Variants in MACC1 observed in about 807,000 individuals in gnomAD.
The protein encoded by MACC1 is metastasis-associated in colon cancer protein 1.
In MACC1, 79 loss-of-function variants were observed where a neutral mutation model predicts 70.7. The observed-to-expected ratio is 1.12, with a 90% CI of 0.93 to 1.35. The LOEUF is 1.35. MACC1 is among the 40% of genes most tolerant of loss of function. MACC1 has a pLI of 0.00. For missense variants in MACC1, 1,106 were observed against 978.1 expected (o/e 1.13, Z -1.74); for synonymous variants, 361 against 347.2 (o/e 1.04, Z -0.44).
chr7:20,197,597 A>G (rs942644942), intron 1 of MACC1, among the ~76,000 whole-genome samples: 65 of 152,346 alleles, frequency 4.3e-4, no homozygotes, highest in African/African-American at 1.3e-3. Context: ...CCTACTCACA[A>G]TAAACTTGGA....
At chr7:20,165,375 AG>A (rs1342796470) in intron 2 of MACC1, among the ~76,000 whole-genome samples, 5 of 152,126 alleles carry the variant, frequency 3.3e-5, no homozygotes, top group African/African-American at 1.2e-4. Flanking sequence ...CCATTCTAAA[AG>A]CTCCTTCCCT....
intron 6 of MACC1, among the ~76,000 whole-genome samples, chr7:20,151,150 T>C (rs188735802): frequency 3.3e-4 from 50 of 152,182 alleles, no homozygotes; most frequent in Non-Finnish European, 4.3e-4. Context: ...TCTATATTGT[T>C]AAGCAAGGGG....
intron 2 of MACC1, among the ~76,000 whole-genome samples, chr7:20,167,896 A>T (rs1170436465): frequency 3.3e-5 from 5 of 152,156 alleles, no homozygotes. Flanking sequence ...AAGAGGTCCC[A>T]TATTTTCATT....
chr7:20,183,417 T>C (rs1782540256), intron 1 of MACC1, among the ~76,000 whole-genome samples: 1 of 152,184 alleles, frequency 6.6e-6, no homozygotes, highest in Admixed American at 6.5e-5. Context: ...GAGAATTCGG[T>C]TCAAATGACA....
At chr7:20,172,871 G>T (rs928040770) in intron 1 of MACC1, among the ~76,000 whole-genome samples, 4 of 152,212 alleles carry the variant, frequency 2.6e-5, no homozygotes, top group Non-Finnish European at 5.9e-5. Flanking sequence ...GGGGAAGCTA[G>T]TGGGTTCCTT....
At chr7:20,161,632 A>T (rs977546450) in intron 4 of MACC1, 116 bp downstream of exon 4, 1 of 629,560 alleles carries the variant, frequency 1.6e-6, no homozygotes, top group East Asian at 2.8e-5. Context: ...GATAAAAACA[A>T]GATTTTATAA....
chr7:20,216,835 C>T (rs114564559), intron 1 of MACC1, among the ~76,000 whole-genome samples: 1,897 of 152,240 alleles, frequency 0.012, 43 homozygotes, highest in African/African-American at 0.041. Flanking sequence ...TGAGACTTTG[C>T]GAGGTGAAAC....
At chr7:20,188,223 G>A (rs1782619095) in intron 1 of MACC1, among the ~76,000 whole-genome samples, 1 of 152,152 alleles carries the variant, frequency 6.6e-6, no homozygotes, top group Non-Finnish European at 1.5e-5. Context: ...TGAGATTTGG[G>A]TGGGGACACA....
chr7:20,146,994 G>A (rs1231772465), intron 6 of MACC1, among the ~76,000 whole-genome samples: 1 of 152,166 alleles, frequency 6.6e-6, no homozygotes, highest in African/African-American at 2.4e-5. Context: ...ATAAAAAAGG[G>A]CAGCAGCGTG....
rs1781723074 is a variant in MACC1, at chr7:20,136,790, T to C, written c.*4156A>G. ...GACTTACTTCTCCTCCTTGCGATTA[T>C]TATTGCGATTAAGGATTATTATTAA... On this transcript the variant is annotated 3_prime_UTR_variant, in exon 7 of 7. Transcript: ENST00000400331. The C allele has an allele frequency of 6.6e-6, 1 of 151,652 alleles. No individual in the cohort carries two copies. The highest frequency in any genetic ancestry group is 2.1e-4 in the South Asian group (1 of 4,818). The allele number at this position is 151,652 out of a possible 1,614,324, so 9.4% of individuals were successfully genotyped here.
intron 1 of MACC1, among the ~76,000 whole-genome samples, chr7:20,205,475 C>CA (rs564241005): frequency 1.1e-3 from 171 of 152,134 alleles, no homozygotes; most frequent in African/African-American, 3.9e-3. Flanking sequence ...TTCCTAAAAC[C>CA]ACTTCATCAC....
intron 1 of MACC1, among the ~76,000 whole-genome samples, chr7:20,196,642 T>C (rs1345795955): frequency 6.6e-6 from 1 of 152,056 alleles, no homozygotes; most frequent in Non-Finnish European, 1.5e-5. Context: ...TGTGTGTATG[T>C]GCTCTATGTA....
chr7:20,197,655 AAAAC>A (rs1359001679), intron 1 of MACC1, among the ~76,000 whole-genome samples: 1 of 152,218 alleles, frequency 6.6e-6, no homozygotes, highest in Non-Finnish European at 1.5e-5. Flanking sequence ...CCTCCAGACA[AAAAC>A]TAACTAAAAT....
chr7:20,185,939 C>T (rs1782581107), intron 1 of MACC1, among the ~76,000 whole-genome samples: 1 of 152,190 alleles, frequency 6.6e-6, no homozygotes, highest in Admixed American at 6.5e-5. Flanking sequence ...AGAGAAAAAT[C>T]CCAAGATTCT....
intron 1 of MACC1, among the ~76,000 whole-genome samples, chr7:20,215,078 G>GTTTATTTATTTA (rs10604824): frequency 4.1e-5 from 6 of 147,268 alleles, no homozygotes; most frequent in Admixed American, 6.8e-5. Flanking sequence ...TACATCTCAA[G>GTTTATTTATTTA]TTTATTTATT....
At chr7:20,193,160 G>A (rs1243534013) in intron 1 of MACC1, among the ~76,000 whole-genome samples, 1 of 152,094 alleles carries the variant, frequency 6.6e-6, no homozygotes, top group Non-Finnish European at 1.5e-5. Flanking sequence ...ATAAGAGGAA[G>A]GGGACAGCTA....
rs1583417640 is a variant in MACC1, at chr7:20,217,327, A to C, written c.-246T>G. ...TGTGGAAGTGAGCCCAAGCTTCTTC[A>C]GTTCAGACACATGGTTTTAGTGAAT... On this transcript the variant is annotated 5_prime_UTR_variant, in exon 1 of 7. It removes the in-frame stop codon of an upstream open reading frame in the 5' UTR. Coordinates refer to ENST00000400331, the MANE Select transcript of MACC1 (RefSeq NM_182762.4). 6.6e-6 allele frequency: 1 copy of C among 152,346 alleles called. No individual in the cohort carries two copies. The allele number at this position is 152,346 out of a possible 1,614,324, so 9.4% of individuals were successfully genotyped here.
At chr7:20,143,497 T>C (rs1357958491) in intron 6 of MACC1, among the ~76,000 whole-genome samples, 1 of 152,188 alleles carries the variant, frequency 6.6e-6, no homozygotes, top group African/African-American at 2.4e-5. Flanking sequence ...CAAGCAATTC[T>C]CCTGCCTCAG....
chr7:20,147,790 G>A (rs1781915434), intron 6 of MACC1, among the ~76,000 whole-genome samples: 1 of 152,200 alleles, frequency 6.6e-6, no homozygotes, highest in Non-Finnish European at 1.5e-5. Flanking sequence ...GCATGAGCCA[G>A]AGGAAGACAG....
Sources: allele counts gnomAD v4.1 joint callset (sites outside exome capture counted in the v4.1 genomes callset), GRCh38; gene constraint gnomAD v4.1.1; transcripts MANE v1.5; gene names NCBI Gene and HGNC (gene_info 2026-07-23, HGNC 2026-07-21).